The following SPG11 variants were observed in gnomAD, a reference collection of about 807,000 sequenced individuals.
The protein encoded by SPG11 is spatacsin.
SPG11 carries 222 observed loss-of-function variants against 274.0 expected under a neutral mutation model. That is an observed-to-expected ratio of 0.81 (90% CI 0.73 to 0.91). SPG11 has a LOEUF of 0.91. Ranked by LOEUF, SPG11 falls within the 40% of genes least tolerant of loss-of-function variation. The probability of loss-of-function intolerance (pLI) is 0.00; values close to 1 mark genes in which losing one functional copy is unlikely to be tolerated. For synonymous variants in SPG11, 1,144 were observed against 1,039.7 expected (o/e 1.10, Z -1.93); for missense variants, 3,114 against 2,872.7 (o/e 1.08, Z -1.92).
intron 12 of SPG11, 116 bp from the exon 13 acceptor site, chr15:44,622,463 T>A (rs1315078611): frequency 2.2e-6 from 2 of 925,446 alleles, no homozygotes; most frequent in Non-Finnish European, 3.2e-6. Context: ...TTAAAAAAAG[T>A]CATGAGATAA....
At chr15:44,601,233 A>G (rs1458907227) in intron 20 of SPG11, among the ~76,000 whole-genome samples, 2 of 150,082 alleles carry the variant, frequency 1.3e-5, no homozygotes, top group Non-Finnish European at 2.9e-5. Flanking sequence ...TAAGAATTGT[A>G]TATATTTAAA....
At chr15:44,626,651 G>T in intron 10 of SPG11, 144 bp from the exon 11 acceptor site, 3 of 846,924 alleles carry the variant, frequency 3.5e-6, no homozygotes, top group Non-Finnish European at 5.5e-6. Flanking sequence ...AGGTTCAAGG[G>T]ATATTAAATT....
intron 30 of SPG11, among the ~76,000 whole-genome samples, chr15:44,580,005 T>C (rs191514785): frequency 2.8e-4 from 43 of 152,314 alleles, no homozygotes; most frequent in Non-Finnish European, 4.3e-4. Flanking sequence ...TACCACTTAG[T>C]GACAACCAGA....
In SPG11 at chr15:44,625,955, C is replaced by T. The variant is rs558786844; in HGVS notation, c.2244+376G>A. 5.9e-5 allele frequency among the ~76,000 whole-genome samples: 9 copies of T among 152,356 alleles called. No individual in the cohort carries two copies. The South Asian group carries it at 1.7e-3, about 28-fold the overall frequency. Reference sequence around the variant, plus strand: ...TCAGCCTCCCAAAGTGCTGGGATTACAGGCGTGAGCCACCACGCCCGGCTC... The same window carrying T: ...TCAGCCTCCCAAAGTGCTGGGATTATAGGCGTGAGCCACCACGCCCGGCTC... On this transcript the variant is annotated intron_variant, in intron 11 of 39. Coordinates refer to ENST00000261866, the MANE Select transcript of SPG11 (RefSeq NM_025137.4).
intron 4 of SPG11, among the ~76,000 whole-genome samples, chr15:44,652,579 C>T (rs906498334): frequency 6.6e-6 from 1 of 152,122 alleles, no homozygotes; most frequent in African/African-American, 2.4e-5. Context: ...TAAATATAAC[C>T]CCATCTTATA....
chr15:44,660,535 C>A lies in SPG11; in HGVS notation c.339G>T (p.Leu113=), dbSNP rs373238538. 13 of 1,613,982 alleles carry A rather than the reference C, an allele frequency of 8.1e-6. No individual in the cohort carries two copies. Among genetic ancestry groups the A allele is most frequent in the Middle Eastern group, 1.6e-4 (1 of 6,084 alleles). ...CTTTCAAATTAAATTCATAGATAAG[C>A]AGTTCATAATTTTCACCAAGAGCGA... ...KLLALGENYE[L]LIYEFNLKDG... Residue 113 remains leucine (L), a synonymous_variant, in exon 2 of 40, where the codon CTG becomes CTT. Transcript: ENST00000261866.
intron 1 of SPG11, among the ~76,000 whole-genome samples, chr15:44,661,789 T>C (rs1008734464): frequency 1.3e-5 from 2 of 152,158 alleles, no homozygotes; most frequent in African/African-American, 2.4e-5. Context: ...ATAAACAAGA[T>C]ATATGATGTA....
chr15:44,642,933 G>A lies in SPG11; in HGVS notation c.1602+5933C>T, dbSNP rs79827678. Among the ~76,000 whole-genome samples, 935 of 152,212 alleles carry A rather than the reference G, an allele frequency of 6.1e-3. 27 individuals are homozygous for A. The East Asian group carries it at 0.089, about 14-fold the overall frequency. On this transcript the variant is annotated intron_variant, in intron 7 of 39. Transcript: ENST00000261866. ...AATTCTGAGGCCAGGCAAGGTAAGG[G>A]AATAGGATCAGGGCAGGGCATACAC...
rs375911466 is a variant in SPG11 at position 44,610,903 on chromosome 15, T to C, written c.3228A>G (p.Leu1076=). The C allele has an allele frequency of 1.2e-5, 19 of 1,613,740 alleles. No individual in the cohort carries two copies. Among genetic ancestry groups the C allele is most frequent in the African/African-American group, 1.1e-4 (8 of 74,844 alleles). ...PTNQASVSSM[L]LEGHTLLALA... Reference sequence around the variant, plus strand: ...GGGCCAGGAGGGTATGTCCTTCCAATAGCATACTGCTTACACTGGCCTGAT... The same window carrying C: ...GGGCCAGGAGGGTATGTCCTTCCAACAGCATACTGCTTACACTGGCCTGAT... Residue 1076 remains leucine (L), a synonymous_variant, in exon 18 of 40, where the codon CTA becomes CTG. Coordinates refer to ENST00000261866, the MANE Select transcript of SPG11 (RefSeq NM_025137.4).
intron 4 of SPG11, among the ~76,000 whole-genome samples, chr15:44,654,563 G>A (rs1387930243): frequency 6.6e-6 from 1 of 152,124 alleles, no homozygotes; most frequent in Non-Finnish European, 1.5e-5. Context: ...GATTGGCTGG[G>A]CGCGGTGGCT....
chr15:44,589,453 A>G (rs1567143128), intron 27 of SPG11, 39 bp from the exon 28 acceptor site: 2 of 1,613,032 alleles, frequency 1.2e-6, no homozygotes, highest in African/African-American at 2.7e-5. Context: ...AAGCAGTTTC[A>G]TGAGAATAGC....
chr15:44,563,707 C>CA (rs1338809070), intron 39 of SPG11, among the ~76,000 whole-genome samples: 2 of 151,752 alleles, frequency 1.3e-5, no homozygotes, highest in Non-Finnish European at 2.9e-5. Context: ...AGTGGTTTTT[C>CA]AGAGTGTGAA....
intron 20 of SPG11, among the ~76,000 whole-genome samples, chr15:44,601,751 G>T (rs989077755): frequency 6.6e-6 from 1 of 151,544 alleles, no homozygotes; most frequent in Non-Finnish European, 1.5e-5. Context: ...TAGAGACGGG[G>T]TTTCGCCATG....
chr15:44,616,295 T>C (rs2083592234), intron 15 of SPG11, among the ~76,000 whole-genome samples: 1 of 149,212 alleles, frequency 6.7e-6, no homozygotes, highest in Admixed American at 6.8e-5. Context: ...AAGCTCCGCC[T>C]CCTGAGCTCA....
intron 7 of SPG11, among the ~76,000 whole-genome samples, chr15:44,641,488 A>C (rs564286835): frequency 6.6e-6 from 1 of 152,116 alleles, no homozygotes; most frequent in East Asian, 1.9e-4. Flanking sequence ...GAGAATATCC[A>C]ACACTATAAA....
chr15:44,609,589 AGCCACAGATCTAAAGTAT>A (rs1465380787), intron 18 of SPG11, among the ~76,000 whole-genome samples: 3 of 152,198 alleles, frequency 2.0e-5, no homozygotes, highest in Non-Finnish European at 4.4e-5. Flanking sequence ...ATAATTACTA[AGCCACAGATCTAAAGTAT>A]TCTTACTCCC....
At chr15:44,649,078 G>A (rs1375228817) in intron 6 of SPG11, 67 bp from the exon 7 acceptor site, 12 of 1,265,418 alleles carry the variant, frequency 9.5e-6, no homozygotes, top group African/African-American at 1.5e-5. Flanking sequence ...TTTAGGAATT[G>A]ATTTTTAATT....
chr15:44,605,712 T>C (rs1442254771), intron 20 of SPG11, among the ~76,000 whole-genome samples: 1 of 152,224 alleles, frequency 6.6e-6, no homozygotes. Context: ...CAGGATTTGT[T>C]TAATGCTGAC....
intron 7 of SPG11, among the ~76,000 whole-genome samples, chr15:44,647,358 T>C (rs2084638158): frequency 6.6e-6 from 1 of 152,210 alleles, no homozygotes; most frequent in Admixed American, 6.5e-5. Context: ...GCAGTCACTG[T>C]GGAAGTTTGG....
Sources: allele counts gnomAD v4.1 joint callset (sites outside exome capture counted in the v4.1 genomes callset), GRCh38; gene constraint gnomAD v4.1.1; transcripts MANE v1.5; gene names NCBI Gene and HGNC (gene_info 2026-07-23, HGNC 2026-07-21).